The following FTO variants were observed in gnomAD, a reference collection of about 807,000 sequenced individuals.
FTO encodes the protein FTO alpha-ketoglutarate dependent dioxygenase, also known as alpha-ketoglutarate-dependent dioxygenase FTO.
FTO carries 47 observed loss-of-function variants against 63.9 expected under a neutral mutation model. That is an observed-to-expected ratio of 0.74 (90% CI 0.58 to 0.94). FTO has a LOEUF of 0.94. Among genes scored for constraint, FTO ranks in the 40% least tolerant of loss-of-function variants. FTO has a pLI of 0.00. For synonymous variants in FTO, 207 were observed against 224.4 expected (o/e 0.92, Z 0.69); for missense variants, 562 against 618.1 (o/e 0.91, Z 0.96).
At chr16:53,919,093 G>A (rs2081951261) in intron 7 of FTO, among the ~76,000 whole-genome samples, 1 of 152,156 alleles carries the variant, frequency 6.6e-6, no homozygotes, top group Non-Finnish European at 1.5e-5. Flanking sequence ...GTCTGGGTTA[G>A]ATTTGGCTCT....
intron 8 of FTO, among the ~76,000 whole-genome samples, chr16:53,984,321 CTTTT>C (rs5816913): frequency 3.0e-5 from 2 of 67,290 alleles, no homozygotes; most frequent in Non-Finnish European, 5.7e-5. Flanking sequence ...TGGAATGGGT[CTTTT>C]TTTTTTTTTT....
intron 8 of FTO, among the ~76,000 whole-genome samples, chr16:53,988,834 AT>A (rs1187268190): frequency 6.6e-6 from 1 of 152,204 alleles, no homozygotes; most frequent in Non-Finnish European, 1.5e-5. Context: ...ACCTAGTATT[AT>A]AAGGGGTTTT....
rs541592407 is a variant in FTO at position 53,806,693 on chromosome 16, T to C, written c.46-3447T>C. On this transcript the variant is annotated intron_variant, in intron 1 of 8. Transcript: ENST00000471389. ...ATTTCCATATCATAAAATTCACCAT[T>C]TTAAAGTGTACAGTTCAGTGGTTTT... Among the ~76,000 whole-genome samples the C allele has an allele frequency of 2.6e-5, 4 of 152,358 alleles. No individual in the cohort carries two copies. In the East Asian group the frequency reaches 7.7e-4, roughly 29 times the overall value.
At chr16:54,000,016 G>A (rs1363499644) in intron 8 of FTO, 2 of 152,130 alleles carry the variant, frequency 1.3e-5, no homozygotes, top group Admixed American at 1.3e-4. Context: ...CCAGAGGAAA[G>A]GATCCAGCAT....
chr16:53,729,676 C>T (rs772373027), intron 1 of FTO, among the ~76,000 whole-genome samples: 5 of 151,596 alleles, frequency 3.3e-5, no homozygotes, highest in Non-Finnish European at 7.4e-5. Flanking sequence ...CAGCTTTCAC[C>T]CCCATAATTT....
intron 8 of FTO, among the ~76,000 whole-genome samples, chr16:54,064,371 G>A (rs2085668330): frequency 6.6e-6 from 1 of 152,118 alleles, no homozygotes; most frequent in African/African-American, 2.4e-5. Context: ...CAGTTCAGCT[G>A]TAATGAAAAC....
chr16:53,942,011 T>C (rs188405236), intron 8 of FTO, among the ~76,000 whole-genome samples: 9 of 152,332 alleles, frequency 5.9e-5, no homozygotes, highest in South Asian at 2.1e-4. Context: ...TTCCTCTCAA[T>C]CTATTCCAGT....
rs147026910 is a variant in FTO, at chr16:53,807,667, A to G, written c.46-2473A>G. On this transcript the variant is annotated intron_variant, in intron 1 of 8. Transcript: ENST00000471389. ...CAAGGTGGAGACATTTCAAGGTTTG[A>G]GAAATGTGTGTTTGAATTATTCAAG... Among the ~76,000 whole-genome samples the G allele has an allele frequency of 5.7e-4, 87 of 152,304 alleles. No homozygotes were observed. The East Asian group carries it at 0.013, about 23-fold the overall frequency.
At chr16:53,916,195 G>A (rs551525622) in intron 7 of FTO, among the ~76,000 whole-genome samples, 2 of 152,290 alleles carry the variant, frequency 1.3e-5, no homozygotes, top group East Asian at 3.9e-4. Flanking sequence ...ATGAAATGTA[G>A]TTTATAACTC....
At chr16:53,862,112 A>G (rs746631046) in intron 4 of FTO, among the ~76,000 whole-genome samples, 3 of 152,106 alleles carry the variant, frequency 2.0e-5, no homozygotes, top group Non-Finnish European at 2.9e-5. Flanking sequence ...GCCAGGTGTG[A>G]TGGCACATGC....
At chr16:53,828,224 T>C (rs1475127039) in intron 3 of FTO, among the ~76,000 whole-genome samples, 1 of 152,282 alleles carries the variant, frequency 6.6e-6, no homozygotes, top group Admixed American at 6.5e-5. Flanking sequence ...CTCTTTTTTT[T>C]CTTTTTTTCT....
At chr16:53,781,183 T>C (rs1279924720) in intron 1 of FTO, among the ~76,000 whole-genome samples, 2 of 152,220 alleles carry the variant, frequency 1.3e-5, no homozygotes, top group Non-Finnish European at 2.9e-5. Flanking sequence ...TAATCAGGGT[T>C]CAGAGAGGTA....
intron 8 of FTO, among the ~76,000 whole-genome samples, chr16:53,962,131 A>C (rs1021400221): frequency 6.6e-6 from 1 of 152,236 alleles, no homozygotes. Flanking sequence ...TTCAGAGTTT[A>C]GTGAAATCTC....
chr16:53,867,381 GA>G (rs1253201175), intron 4 of FTO, among the ~76,000 whole-genome samples: 2 of 151,834 alleles, frequency 1.3e-5, no homozygotes, highest in Admixed American at 6.6e-5. Flanking sequence ...TTTTGAGATG[GA>G]ATAAGTGAAG....
rs1173571911 is a variant in FTO at position 53,837,848 on chromosome 16, G to T, written c.752-6307G>T. Among the ~76,000 whole-genome samples, 9 of 152,180 alleles carry T rather than the reference G, an allele frequency of 5.9e-5. No homozygotes were observed. In the East Asian group the frequency reaches 1.5e-3, roughly 26 times the overall value. On this transcript the variant is annotated intron_variant, in intron 3 of 8. Coordinates refer to ENST00000471389, the MANE Select transcript of FTO (RefSeq NM_001080432.3). ...GAGAGATCATTCTGAAAACAGATCTGACTGGTGAAAAAGGCTTTAGTGTCT... is the reference window on the plus strand; with the variant it reads ...GAGAGATCATTCTGAAAACAGATCTTACTGGTGAAAAAGGCTTTAGTGTCT...
At chr16:53,926,436 C>T (rs1437893544) in intron 7 of FTO, among the ~76,000 whole-genome samples, 6 of 152,178 alleles carry the variant, frequency 3.9e-5, no homozygotes, top group African/African-American at 7.2e-5. Flanking sequence ...AGTCCACTTC[C>T]GTGGCATGTT....
At chr16:53,914,306 G>T (rs1598978830) in intron 7 of FTO, among the ~76,000 whole-genome samples, 1 of 147,526 alleles carries the variant, frequency 6.8e-6, no homozygotes, top group Non-Finnish European at 1.5e-5. Context: ...AGTTCTCAGT[G>T]CTTTCTCTTT....
At chr16:53,882,402 T>C (rs917155757) in intron 6 of FTO, among the ~76,000 whole-genome samples, 16 of 148,008 alleles carry the variant, frequency 1.1e-4, no homozygotes, top group African/African-American at 4.0e-4. Flanking sequence ...AGCAAGATGA[T>C]AGAAATTGAG....
chr16:53,712,179 A>G (rs2151467434), intron 1 of FTO, among the ~76,000 whole-genome samples: 1 of 152,264 alleles, frequency 6.6e-6, no homozygotes, highest in Non-Finnish European at 1.5e-5. Context: ...TTTATATTTC[A>G]AATTTGGCAT....
Sources: gnomAD v4.1 joint callset for allele counts (sites outside exome capture counted in the v4.1 genomes callset) on GRCh38, gnomAD v4.1.1 for gene constraint, MANE v1.5 for transcripts, NCBI Gene and HGNC (gene_info 2026-07-23, HGNC 2026-07-21) for gene names.